HMGCS2: variants seen among roughly 807,000 people sequenced by gnomAD.
The protein encoded by HMGCS2 is hydroxymethylglutaryl-CoA synthase, mitochondrial.
Under a neutral mutation model 57.4 loss-of-function variants are expected in HMGCS2, and 50 were observed. The ratio of observed to expected loss-of-function variants is 0.87; its 90% CI spans 0.69 to 1.10. HMGCS2 has a LOEUF of 1.10. Ranked by LOEUF, HMGCS2 falls within the 50% of genes least tolerant of loss-of-function variation. The probability of loss-of-function intolerance (pLI) is 0.00; values close to 1 mark genes in which losing one functional copy is unlikely to be tolerated. For missense variants in HMGCS2, 627 were observed against 636.5 expected (o/e 0.99, Z 0.16); for synonymous variants, 254 against 245.1 (o/e 1.04, Z -0.34).
rs587671242 is a variant in HMGCS2 at position 119,757,430 on chromosome 1, C to T, written c.859G>A (p.Asp287Asn). Residue 287 changes from aspartate (D) to asparagine (N), a missense_variant, in exon 5 of 10, where the codon GAT (aspartate) becomes AAT (asparagine). Asp to Asn is a conservative substitution (Grantham distance 23). Transcript: ENST00000369406. The part of the protein sequence containing the change: ...IQNQWKQAGS[D>N]RPFTLDDLQY... ...AAATCGTCAAGGGTGAAGGGTCGAT[C>T]GCTGCCAGCTGGAAGAGGAAGCGTG... The T allele has an allele frequency of 1.6e-5, 26 of 1,613,936 alleles. No individual in the cohort carries two copies. The highest frequency in any genetic ancestry group is 1.2e-4 in the African/African-American group (9 of 74,986).
Position 119,768,809 on chromosome 1 carries a change from C to T in HMGCS2, c.36G>A (p.Leu12=). The change falls in exon 1 of 10, where the codon CTG becomes CTA. Residue 12 remains leucine (L), a synonymous_variant. Coordinates refer to ENST00000369406, the MANE Select transcript of HMGCS2 (RefSeq NM_005518.4). ...TTTCCTGCACCGCTCTTGTCAGTTG[C>T]AGAATGCGCTTCACTGGAGTCAACA... ...QRLLTPVKRI[L]QLTRAVQETS... 1 of 1,614,060 alleles carries T rather than the reference C, an allele frequency of 6.2e-7. No homozygotes were observed. Among genetic ancestry groups the T allele is most frequent in the Non-Finnish European group, 8.5e-7 (1 of 1,179,974 alleles).
chr1:119,768,254 C>T lies in HMGCS2; in HGVS notation c.104+487G>A, dbSNP rs182562744. ...CTTGCAAAGAGCATGTACACATACA[C>T]ACATAAACACACATTTCCCCTTTTC... On this transcript the variant is annotated intron_variant, in intron 1 of 9. Coordinates refer to ENST00000369406, the MANE Select transcript of HMGCS2 (RefSeq NM_005518.4). 2.0e-3 allele frequency among the ~76,000 whole-genome samples: 300 copies of T among 152,302 alleles called. 2 individuals carry two copies. Among genetic ancestry groups the T allele is most frequent in the African/African-American group, 7.1e-3 (294 of 41,562 alleles).
chr1:119,751,046 GT>G (rs1652641706), intron 8 of HMGCS2, 138 bp from the exon 9 acceptor site: 2 of 687,718 alleles, frequency 2.9e-6, no homozygotes, highest in Non-Finnish European at 2.7e-6. Flanking sequence ...GTCACCCTTA[GT>G]CCACCAAATA....
rs587723389 is a variant in HMGCS2, at chr1:119,748,504, G to T, written c.*343C>A. On this transcript the variant is annotated 3_prime_UTR_variant, in exon 10 of 10. Transcript: ENST00000369406. The stretch of plus-strand genomic sequence containing the variant: ...ATAATAAAGTTCTAACACATGACAG[G>T]AAAGTTTATCTGGATCTTGAAGGCA... 2 of 152,344 alleles carry T rather than the reference G, an allele frequency of 1.3e-5. No homozygotes were observed. Among genetic ancestry groups the T allele is most frequent in the African/African-American group, 4.8e-5 (2 of 41,558 alleles). 9.4% of individuals were successfully genotyped at this position (152,344 alleles called of 1,614,324 possible).
intron 2 of HMGCS2, among the ~76,000 whole-genome samples, chr1:119,762,745 AT>A (rs1653089973): frequency 6.6e-6 from 1 of 152,208 alleles, no homozygotes; most frequent in African/African-American, 2.4e-5. Flanking sequence ...AAAGATTCAC[AT>A]TTCAATAACT....
At chr1:119,749,593 G>T (rs2101242375) in intron 9 of HMGCS2, among the ~76,000 whole-genome samples, 1 of 152,212 alleles carries the variant, frequency 6.6e-6, no homozygotes, top group East Asian at 1.9e-4. Flanking sequence ...CAGCCCACTT[G>T]TCCACCTCTC....
chr1:119,752,454 C>A (rs180760106), intron 8 of HMGCS2, 95 bp downstream of exon 8: 3 of 1,364,530 alleles, frequency 2.2e-6, no homozygotes, highest in African/African-American at 1.4e-5. Flanking sequence ...AAAGTCTTGA[C>A]CCTGGACTAC....
At chr1:119,757,545 T>C (rs916113486) in intron 4 of HMGCS2, 107 bp from the exon 5 acceptor site, 3 of 1,574,864 alleles carry the variant, frequency 1.9e-6, no homozygotes, top group Non-Finnish European at 2.6e-6. Context: ...CCCAGGGAAC[T>C]ACTTCCCACC....
chr1:119,748,896 C>G (rs1286942873), intron 9 of HMGCS2, 55 bp from the exon 10 acceptor site: 1 of 152,318 alleles, frequency 6.6e-6, no homozygotes, highest in Non-Finnish European at 1.5e-5. Flanking sequence ...CACCCTGCCC[C>G]CAGTACCTGC....
Position 119,750,877 on chromosome 1 carries a change from G to A in HMGCS2, c.1452C>T (p.Ser484=). 1.2e-6 allele frequency: 2 copies of A among 1,613,646 alleles called. No individual in the cohort carries two copies. Among genetic ancestry groups the A allele is most frequent in the Non-Finnish European group, 1.7e-6 (2 of 1,179,576 alleles). Residue 484 remains serine, a synonymous_variant, in exon 9 of 10, where the codon AGC becomes AGT. Coordinates refer to ENST00000369406, the MANE Select transcript of HMGCS2 (RefSeq NM_005518.4). ...VNFSPPGDTN[S]LFPGTWYLER... Reference sequence around the variant, plus strand: ...CCAGGTACCAAGTACCTGGGAAAAGGCTGTTTGTGTCACCAGGTGGGGAGA... The same window carrying A: ...CCAGGTACCAAGTACCTGGGAAAAGACTGTTTGTGTCACCAGGTGGGGAGA...
At chr1:119,756,978 CCCTT>C (rs1244664005) in intron 5 of HMGCS2, among the ~76,000 whole-genome samples, 2 of 152,154 alleles carry the variant, frequency 1.3e-5, no homozygotes, top group African/African-American at 4.8e-5. Flanking sequence ...CTCTCTTTCT[CCCTT>C]CCTCTCTTTC....
intron 6 of HMGCS2, 144 bp downstream of exon 6, chr1:119,755,283 C>T: frequency 1.2e-6 from 1 of 845,574 alleles, no homozygotes; most frequent in Non-Finnish European, 2.0e-6. Flanking sequence ...GCTGAGATTA[C>T]AGGCATGAGC....
At chr1:119,761,741 G>A (rs966919371) in intron 2 of HMGCS2, among the ~76,000 whole-genome samples, 1 of 151,384 alleles carries the variant, frequency 6.6e-6, no homozygotes, top group Admixed American at 6.6e-5. Flanking sequence ...ACTCCAGCCT[G>A]GCAACAGATC....
intron 4 of HMGCS2, 114 bp from the exon 5 acceptor site, chr1:119,757,552 C>T: frequency 6.5e-7 from 1 of 1,546,870 alleles, no homozygotes. Context: ...AACTACTTCC[C>T]ACCTCCTGCA....
At position 119,752,561 on chromosome 1, in the gene HMGCS2, A is replaced by G; in HGVS notation, c.1408T>C (p.Phe470Leu). 6.2e-7 allele frequency: 1 copy of G among 1,614,014 alleles called. No individual in the cohort carries two copies. The highest frequency in any genetic ancestry group is 8.5e-7 in the Non-Finnish European group (1 of 1,179,972). ...FTEIMNQREQ[F>L]YHKVNFSPPG... ...ACTTTTTTCTTACCCTTATGGTAGA[A>G]TTGCTCTCTTTGGTTCATTATTTCT... Residue 470 changes from phenylalanine to leucine, a missense_variant, in exon 8 of 10, where the codon TTC (phenylalanine) becomes CTC (leucine). Phe to Leu is a conservative substitution (Grantham distance 22). Transcript: ENST00000369406.
chr1:119,749,394 C>A (rs967145658), intron 9 of HMGCS2, among the ~76,000 whole-genome samples: 2 of 132,968 alleles, frequency 1.5e-5, no homozygotes, highest in Non-Finnish European at 1.7e-5. Flanking sequence ...CTCCCTTTCC[C>A]CCCTCCCTCC....
intron 1 of HMGCS2, among the ~76,000 whole-genome samples, chr1:119,764,986 T>G (rs1653175788): frequency 1.3e-5 from 2 of 152,184 alleles, no homozygotes; most frequent in African/African-American, 4.8e-5. Flanking sequence ...TATATTTTAG[T>G]CCTTTAAAAA....
chr1:119,753,256 G>A (rs377290393), intron 7 of HMGCS2, 24 bp downstream of exon 7: 1 of 1,379,180 alleles, frequency 7.3e-7, no homozygotes, highest in Non-Finnish European at 1.0e-6. Flanking sequence ...TGTCAGGAAG[G>A]CCTACTAGAA....
At chr1:119,750,184 C>T (rs1652602776) in intron 9 of HMGCS2, among the ~76,000 whole-genome samples, 1 of 152,220 alleles carries the variant, frequency 6.6e-6, no homozygotes, top group African/African-American at 2.4e-5. Context: ...CTGGCTTTAA[C>T]AGAATCTTCA....
Sources: gnomAD v4.1 joint callset for allele counts (sites outside exome capture counted in the v4.1 genomes callset) on GRCh38, gnomAD v4.1.1 for gene constraint, MANE v1.5 for transcripts, NCBI Gene and HGNC (gene_info 2026-07-23, HGNC 2026-07-21) for gene names.